SEMA3A: variants seen among roughly 807,000 people sequenced by gnomAD.
SEMA3A encodes the protein semaphorin 3A, also known as semaphorin-3A.
A neutral mutation model predicts 97.9 loss-of-function variants in SEMA3A; 29 were observed. The observed-to-expected ratio is 0.30, with a 90% CI of 0.22 to 0.40. The LOEUF is 0.40. Ranked by LOEUF, SEMA3A falls within the 10% of genes least tolerant of loss-of-function variation. SEMA3A has a pLI of 1.00. For missense variants in SEMA3A, 763 were observed against 951.3 expected, an observed-to-expected ratio of 0.80 and a Z score of 2.60; for synonymous variants, 321 against 323.7, an observed-to-expected ratio of 0.99 and a Z score of 0.09.
At chr7:84,035,173 C>T (rs1434486613) in intron 6 of SEMA3A, among the ~76,000 whole-genome samples, 1 of 151,860 alleles carries the variant, frequency 6.6e-6, no homozygotes, top group African/African-American at 2.4e-5. Context: ...AAATATATTT[C>T]CCTATCTTTT....
intron 3 of SEMA3A, among the ~76,000 whole-genome samples, chr7:84,115,439 G>A (rs1562791499): frequency 3.1e-5 from 3 of 96,890 alleles, no homozygotes; most frequent in African/African-American, 9.9e-5. Flanking sequence ...CTTCAAACAT[G>A]TTCAAAATGA....
chr7:84,263,830 C>A (rs1025587870), intron 3 of SEMA3A, among the ~76,000 whole-genome samples: 4 of 152,042 alleles, frequency 2.6e-5, no homozygotes, highest in African/African-American at 9.7e-5. Flanking sequence ...AGCTGTGACT[C>A]TTGGTCTTAA....
At chr7:84,476,537 A>G (rs1806285961) in intron 1 of SEMA3A, among the ~76,000 whole-genome samples, 2 of 152,122 alleles carry the variant, frequency 1.3e-5, no homozygotes, top group African/African-American at 4.8e-5. Flanking sequence ...AACAAATAGC[A>G]TGAATGCCTA....
chr7:84,381,084 A>T (rs1448631412), intron 1 of SEMA3A, among the ~76,000 whole-genome samples: 1 of 152,186 alleles, frequency 6.6e-6, no homozygotes, highest in Non-Finnish European at 1.5e-5. Flanking sequence ...CAGATCCTAC[A>T]TATAGGATGG....
chr7:84,152,879 G>A (rs528165641), intron 1 of SEMA3A, among the ~76,000 whole-genome samples: 4 of 151,800 alleles, frequency 2.6e-5, no homozygotes, highest in Admixed American at 6.6e-5. Flanking sequence ...GCATTTAAAC[G>A]TAAAAAAGTT....
chr7:84,286,224 T>C (rs1800585519), intron 3 of SEMA3A, among the ~76,000 whole-genome samples: 1 of 152,160 alleles, frequency 6.6e-6, no homozygotes, highest in African/African-American at 2.4e-5. Flanking sequence ...CACCTCAACG[T>C]AGCTGTAATG....
chr7:84,127,755 T>C (rs776037502), intron 3 of SEMA3A, among the ~76,000 whole-genome samples: 2 of 152,248 alleles, frequency 1.3e-5, no homozygotes, highest in South Asian at 4.1e-4. Context: ...TCTAAACATA[T>C]ACATCATTGT....
intron 1 of SEMA3A, among the ~76,000 whole-genome samples, chr7:84,162,462 C>T (rs553524010): frequency 1.3e-5 from 2 of 151,858 alleles, no homozygotes; most frequent in East Asian, 3.9e-4. Flanking sequence ...TGCTTTAGGG[C>T]CTGGGAAGGG....
chr7:84,004,276 AATAAT>A (rs1264096717), intron 11 of SEMA3A, among the ~76,000 whole-genome samples: 1 of 152,118 alleles, frequency 6.6e-6, no homozygotes, highest in African/African-American at 2.4e-5. Flanking sequence ...GAAAAAATAA[AATAAT>A]ATATCATAAT....
At chr7:84,397,556 AT>A (rs927007311) in intron 1 of SEMA3A, among the ~76,000 whole-genome samples, 1 of 150,822 alleles carries the variant, frequency 6.6e-6, no homozygotes, top group Admixed American at 6.6e-5. Context: ...GCATAGTATA[AT>A]TTTTTTAACT....
intron 2 of SEMA3A, among the ~76,000 whole-genome samples, chr7:84,309,547 C>G (rs9986981): frequency 0.026 from 3,896 of 152,194 alleles, 172 homozygotes; most frequent in African/African-American, 0.089. Context: ...CTCTTGACTT[C>G]TACTGATGGA....
chr7:84,385,220 G>A (rs1803368136), intron 1 of SEMA3A, among the ~76,000 whole-genome samples: 1 of 152,144 alleles, frequency 6.6e-6, no homozygotes, highest in South Asian at 2.1e-4. Flanking sequence ...GGCATTGTGA[G>A]GGGTGCTGAG....
At chr7:84,301,809 A>T (rs1044296783) in intron 3 of SEMA3A, among the ~76,000 whole-genome samples, 1 of 152,174 alleles carries the variant, frequency 6.6e-6, no homozygotes, top group Non-Finnish European at 1.5e-5. Context: ...ATGCGGAATG[A>T]CAGGAACTCT....
At chr7:84,304,070 G>T (rs1801093517) in intron 3 of SEMA3A, among the ~76,000 whole-genome samples, 1 of 151,952 alleles carries the variant, frequency 6.6e-6, no homozygotes, top group Non-Finnish European at 1.5e-5. Context: ...AAGTAATATT[G>T]CCTGTCCCTT....
At chr7:84,492,312 T>TGCAAA (rs1245361508) in intron 1 of SEMA3A, 3 of 152,254 alleles carry the variant, frequency 2.0e-5, no homozygotes, top group Admixed American at 6.5e-5. Context: ...CAGGGCATTG[T>TGCAAA]GCAAAATGAA....
intron 2 of SEMA3A, among the ~76,000 whole-genome samples, chr7:84,367,994 A>G (rs1412727244): frequency 6.6e-6 from 1 of 151,258 alleles, no homozygotes; most frequent in Non-Finnish European, 1.5e-5. Context: ...TACTAAATAT[A>G]GAAACATCAC....
At chr7:84,135,046 G>A (rs1317867357) in intron 1 of SEMA3A, 95 bp from the exon 2 acceptor site, 1 of 891,030 alleles carries the variant, frequency 1.1e-6, no homozygotes, top group Non-Finnish European at 1.7e-6. Flanking sequence ...ATTGACTGCT[G>A]TAGTTATCAA....
chr7:84,087,704 A>G (rs2691699), intron 4 of SEMA3A, among the ~76,000 whole-genome samples: 46,008 of 152,050 alleles, frequency 0.3, 7,594 homozygotes, highest in African/African-American at 0.44. Context: ...GTGTAACTCA[A>G]TGTGCAGTAG....
chr7:84,169,588 A>AG (rs1178705404), intron 1 of SEMA3A, among the ~76,000 whole-genome samples: 1 of 150,192 alleles, frequency 6.7e-6, no homozygotes, highest in Non-Finnish European at 1.5e-5. Context: ...AGATATTGAA[A>AG]CGTAGATTCA....
Sources: allele counts gnomAD v4.1 joint callset (sites outside exome capture counted in the v4.1 genomes callset), GRCh38; gene constraint gnomAD v4.1.1; transcripts MANE v1.5; gene names NCBI Gene and HGNC (gene_info 2026-07-23, HGNC 2026-07-21).